The following SNRPN variants were observed in gnomAD, a reference collection of about 807,000 sequenced individuals.
SNRPN encodes small nuclear ribonucleoprotein polypeptide N, also known as small nuclear ribonucleoprotein-associated protein N.
In SNRPN, 7 loss-of-function variants were observed where a neutral mutation model predicts 25.2. The observed-to-expected ratio is 0.28, with a 90% CI of 0.16 to 0.52. SNRPN has a LOEUF of 0.52. SNRPN is among the 20% of genes least tolerant of loss of function. SNRPN has a pLI of 0.96. For synonymous variants in SNRPN, 124 were observed against 110.6 expected, an observed-to-expected ratio of 1.12 and a Z score of -0.76; for missense variants, 196 against 322.5, an observed-to-expected ratio of 0.61 and a Z score of 3.00.
chr15:24,950,267 C>A (rs1042283223), upstream of SNRPN, among the ~76,000 whole-genome samples: 1 of 152,024 alleles, frequency 6.6e-6, no homozygotes, highest in Non-Finnish European at 1.5e-5. Context: ...ACCTCCGCCT[C>A]CTGGGTTCAA....
At chr15:24,837,309 G>A in intron 2 of SNRPN, among the ~76,000 whole-genome samples, 1 of 151,972 alleles carries the variant, frequency 6.6e-6, no homozygotes, top group Middle Eastern at 3.4e-3. Flanking sequence ...TGCAGAGCGA[G>A]TAAATGGAAA....
chr15:24,906,218 A>G (rs954349121), intron 2 of SNRPN, among the ~76,000 whole-genome samples: 3 of 152,120 alleles, frequency 2.0e-5, no homozygotes, highest in Admixed American at 6.5e-5. Flanking sequence ...CTCCACCTCC[A>G]TGGGCTCAAG....
intron 6 of SNRPN, 85 bp from the exon 7 acceptor site, chr15:24,976,792 G>A: frequency 4.9e-6 from 6 of 1,224,708 alleles, no homozygotes; most frequent in Non-Finnish European, 7.0e-6. Context: ...ATGGGAAAAT[G>A]GTGGAGAGAA....
intron 2 of SNRPN, among the ~76,000 whole-genome samples, chr15:24,965,863 TTA>T (rs1333690991): frequency 6.8e-6 from 1 of 147,268 alleles, no homozygotes; most frequent in African/African-American, 2.7e-5. Context: ...CAAGATAACA[TTA>T]TATATATTTT....
chr15:24,977,812 C>T lies in SNRPN; in HGVS notation c.455C>T (p.Ala152Val). 1.2e-6 allele frequency: 2 copies of T among 1,612,938 alleles called. No individual in the cohort carries two copies. The highest frequency in any genetic ancestry group is 1.7e-6 in the Non-Finnish European group (2 of 1,179,252). Residue 152 changes from alanine to valine, a missense_variant, in exon 8 of 10, where the codon GCT (alanine) becomes GTT (valine). Transcript: ENST00000390687. Reference protein sequence around the residue: ...MTPQGRGTVAAAAVAATASIA... With the variant: ...MTPQGRGTVAVAAVAATASIA... Reference sequence around the variant, plus strand: ...CCACAGGGAAGAGGCACTGTAGCAGCTGCTGCTGTTGCTGCGACTGCCAGT... The same window carrying T: ...CCACAGGGAAGAGGCACTGTAGCAGTTGCTGCTGTTGCTGCGACTGCCAGT...
At chr15:24,875,381 C>A (rs2055753589) in intron 1 of SNRPN, among the ~76,000 whole-genome samples, 1 of 152,112 alleles carries the variant, frequency 6.6e-6, no homozygotes. Flanking sequence ...CATCCTAAGT[C>A]TAGTTTCAGA....
intron 1 of SNRPN, among the ~76,000 whole-genome samples, chr15:24,880,962 C>G (rs1174770166): frequency 6.6e-6 from 1 of 151,098 alleles, no homozygotes; most frequent in South Asian, 2.1e-4. Flanking sequence ...CAGGCATAAA[C>G]CTCTACAAAT....
chr15:24,862,624 T>C (rs2147570877), intron 1 of SNRPN, among the ~76,000 whole-genome samples: 1 of 151,092 alleles, frequency 6.6e-6, no homozygotes, highest in African/African-American at 2.5e-5. Context: ...AGACAAAGTT[T>C]CCAAATTCTC....
chr15:24,902,753 G>C (rs765688690), intron 2 of SNRPN, among the ~76,000 whole-genome samples: 1 of 152,162 alleles, frequency 6.6e-6, no homozygotes, highest in Non-Finnish European at 1.5e-5. Flanking sequence ...TGGTCTCGCC[G>C]GCTTCAGGAG....
chr15:24,856,462 A>C (rs923011754), upstream of SNRPN: 2 of 152,244 alleles, frequency 1.3e-5, no homozygotes, highest in African/African-American at 2.4e-5. Context: ...ACCCCTGCAG[A>C]CATCCTTCTT....
intron 2 of SNRPN, among the ~76,000 whole-genome samples, chr15:24,894,523 C>A (rs2057942899): frequency 2.0e-5 from 3 of 152,198 alleles, no homozygotes; most frequent in South Asian, 2.1e-4. Context: ...CCAGCCGAAA[C>A]AAAGCCAAAT....
chr15:24,951,140 C>T (rs1388040120), upstream of SNRPN, among the ~76,000 whole-genome samples: 1 of 152,098 alleles, frequency 6.6e-6, no homozygotes, highest in African/African-American at 2.4e-5. Flanking sequence ...ATATTACAGG[C>T]GTGTGAACCA....
chr15:24,841,217 C>T (rs575925613), intron 2 of SNRPN, among the ~76,000 whole-genome samples: 4 of 152,028 alleles, frequency 2.6e-5, no homozygotes, highest in Non-Finnish European at 5.9e-5. Context: ...TATGCAGTAC[C>T]ACTTTTTTTA....
intron 3 of SNRPN, among the ~76,000 whole-genome samples, chr15:24,971,246 T>C (rs899495573): frequency 3.9e-5 from 6 of 152,236 alleles, no homozygotes; most frequent in African/African-American, 1.2e-4. Context: ...GAAGATACAC[T>C]ATGACTGCTC....
intron 3 of SNRPN, among the ~76,000 whole-genome samples, chr15:24,931,837 T>TAAAA (rs2060880609): frequency 4.3e-5 from 1 of 23,464 alleles, no homozygotes; most frequent in Admixed American, 6.6e-4. Flanking sequence ...AGAACCTGTC[T>TAAAA]CAAAAAAAAA....
chr15:24,901,062 GTCC>G (rs1222298755), intron 2 of SNRPN, among the ~76,000 whole-genome samples: 2 of 152,120 alleles, frequency 1.3e-5, no homozygotes, highest in African/African-American at 4.8e-5. Context: ...TGCAACTGCA[GTCC>G]AGCCTGGGCA....
At chr15:24,973,754 T>C (rs368699126) in intron 3 of SNRPN, among the ~76,000 whole-genome samples, 1 of 152,214 alleles carries the variant, frequency 6.6e-6, no homozygotes, top group Non-Finnish European at 1.5e-5. Context: ...AAGTTGTTTA[T>C]GTGAGTCTAT....
intron 2 of SNRPN, chr15:24,967,097 A>G (rs1277731678): frequency 6.6e-6 from 1 of 152,184 alleles, no homozygotes; most frequent in East Asian, 1.9e-4. Flanking sequence ...CTTTAGCAGC[A>G]TCTCCCTCCC....
At chr15:24,843,974 A>G (rs2051952484) in intron 2 of SNRPN, among the ~76,000 whole-genome samples, 3 of 149,948 alleles carry the variant, frequency 2.0e-5, no homozygotes, top group Admixed American at 2.0e-4. Flanking sequence ...TCTGTCTTGA[A>G]AAAAAAAAAA....
Sources: gnomAD v4.1 joint callset for allele counts (sites outside exome capture counted in the v4.1 genomes callset) on GRCh38, gnomAD v4.1.1 for gene constraint, MANE v1.5 for transcripts, NCBI Gene and HGNC (gene_info 2026-07-23, HGNC 2026-07-21) for gene names.